Variants in SPMAP2L observed in about 807,000 individuals in gnomAD.
SPMAP2L encodes the protein sperm microtubule associated protein 2 like, also known as sperm microtubule associated protein 2-like.
At chr4:56,626,093 G>A in the SPMAP2L span, among the ~76,000 whole-genome samples, 235 of 152,338 alleles carry the variant, frequency 1.5e-3, 1 homozygote, top group African/African-American at 5.5e-3. Flanking sequence ...CAGCTGAGAG[G>A]AAACTGAAGG....
chr4:56,536,716 G>A, the SPMAP2L span, among the ~76,000 whole-genome samples: 2 of 152,146 alleles, frequency 1.3e-5, no homozygotes, highest in Non-Finnish European at 2.9e-5. Flanking sequence ...TACATTGTAA[G>A]TGCTCAGTAG....
chr4:56,624,579 C>A, the SPMAP2L span, among the ~76,000 whole-genome samples: 1 of 152,158 alleles, frequency 6.6e-6, no homozygotes, highest in Non-Finnish European at 1.5e-5. Context: ...TATGTTCAGC[C>A]TAGGGACTTG....
chr4:56,625,104 G>T, the SPMAP2L span, among the ~76,000 whole-genome samples: 1 of 152,224 alleles, frequency 6.6e-6, no homozygotes, highest in South Asian at 2.1e-4. Context: ...TGACCTGGAT[G>T]TGAGACCTGG....
the SPMAP2L span, among the ~76,000 whole-genome samples, chr4:56,609,649 G>A: frequency 6.6e-6 from 1 of 152,170 alleles, no homozygotes; most frequent in Admixed American, 6.5e-5. Flanking sequence ...ACAGTATTAA[G>A]AGGTGGGGCC....
the SPMAP2L span, among the ~76,000 whole-genome samples, chr4:56,560,310 C>T: frequency 6.6e-6 from 1 of 152,334 alleles, no homozygotes; most frequent in South Asian, 2.1e-4. Flanking sequence ...CAGTGATACT[C>T]TCCGTCCTGG....
chr4:56,614,709 A>G, the SPMAP2L span, among the ~76,000 whole-genome samples: 1 of 152,142 alleles, frequency 6.6e-6, no homozygotes, highest in Non-Finnish European at 1.5e-5. Context: ...ATTAAGCGAG[A>G]CAATGGATGA....
the SPMAP2L span, among the ~76,000 whole-genome samples, chr4:56,619,133 T>G: frequency 6.6e-6 from 1 of 152,228 alleles, no homozygotes; most frequent in Non-Finnish European, 1.5e-5. Flanking sequence ...TGAACAATGA[T>G]AGCTAGTAAT....
the SPMAP2L span, among the ~76,000 whole-genome samples, chr4:56,604,450 G>A: frequency 1.3e-5 from 2 of 152,052 alleles, no homozygotes; most frequent in Non-Finnish European, 2.9e-5. Context: ...ACGAGGTCAG[G>A]GGTTCAAGAC....
the SPMAP2L span, among the ~76,000 whole-genome samples, chr4:56,543,893 AGAGTGTGTGT>A: frequency 8.2e-4 from 109 of 132,478 alleles, 1 homozygote; most frequent in African/African-American, 3.4e-3. Flanking sequence ...AGAGAGAGAG[AGAGTGTGTGT>A]GTGTGTGTGT....
chr4:56,571,692 A>T, the SPMAP2L span, among the ~76,000 whole-genome samples: 78 of 152,242 alleles, frequency 5.1e-4, 1 homozygote, highest in African/African-American at 1.4e-3. Flanking sequence ...AAAAAAAATT[A>T]AAAAAATTAT....
chr4:56,536,630 G>A, the SPMAP2L span, among the ~76,000 whole-genome samples: 1 of 152,196 alleles, frequency 6.6e-6, no homozygotes, highest in African/African-American at 2.4e-5. Flanking sequence ...CAAATCCAAT[G>A]GTTTCTTCTC....
At chr4:56,600,120 TTTTTTG>T in the SPMAP2L span, among the ~76,000 whole-genome samples, 1 of 111,594 alleles carries the variant, frequency 9.0e-6, no homozygotes, top group African/African-American at 3.1e-5. Flanking sequence ...TTTTTTTTTT[TTTTTTG>T]TAGAGATGAG....
chr4:56,583,893 G>A, the SPMAP2L span, among the ~76,000 whole-genome samples: 1 of 152,114 alleles, frequency 6.6e-6, no homozygotes, highest in East Asian at 1.9e-4. Context: ...TATAGGATAA[G>A]TATTATTTCA....
chr4:56,575,588 G>A, the SPMAP2L span: 1 of 1,535,438 alleles, frequency 6.5e-7, no homozygotes, highest in East Asian at 2.4e-5. Context: ...CCCTCCAAAA[G>A]GATCCAGAGG....
chr4:56,550,651 G>T, the SPMAP2L span, among the ~76,000 whole-genome samples: 1 of 152,144 alleles, frequency 6.6e-6, no homozygotes, highest in South Asian at 2.1e-4. Context: ...TACTTAAAAA[G>T]GCTGTGACGA....
the SPMAP2L span, among the ~76,000 whole-genome samples, chr4:56,588,711 G>A: frequency 4.9e-4 from 74 of 152,254 alleles, no homozygotes; most frequent in African/African-American, 1.6e-3. Flanking sequence ...GATTACAGGC[G>A]TTAGCCACTG....
chr4:56,579,389 T>A, the SPMAP2L span, among the ~76,000 whole-genome samples: 1 of 151,712 alleles, frequency 6.6e-6, no homozygotes, highest in South Asian at 2.1e-4. Context: ...TTGATATGAA[T>A]AAAACTGAAA....
the SPMAP2L span, chr4:56,596,474 A>T: frequency 6.7e-7 from 1 of 1,491,324 alleles, no homozygotes; most frequent in South Asian, 1.3e-5. Flanking sequence ...GATGCTTATA[A>T]GTACTGTTTT....
the SPMAP2L span, among the ~76,000 whole-genome samples, chr4:56,546,855 G>A: frequency 6.6e-6 from 1 of 152,240 alleles, no homozygotes; most frequent in East Asian, 1.9e-4. Flanking sequence ...GTGACAGCAC[G>A]GCTGGCTGTG....
Sources: allele counts gnomAD v4.1 joint callset (sites outside exome capture counted in the v4.1 genomes callset), GRCh38; gene constraint gnomAD v4.1.1; transcripts MANE v1.5; gene names NCBI Gene and HGNC (gene_info 2026-07-23, HGNC 2026-07-21).